The following SPATA13 variants were observed in gnomAD, a reference collection of about 807,000 sequenced individuals.
SPATA13 encodes spermatogenesis associated 13, also known as spermatogenesis-associated protein 13.
Under a neutral mutation model 104.0 loss-of-function variants are expected in SPATA13, and 50 were observed. That is an observed-to-expected ratio of 0.48 (90% CI 0.38 to 0.61). SPATA13 has a LOEUF of 0.61. Ranked by LOEUF, SPATA13 falls within the 20% of genes least tolerant of loss-of-function variation. The pLI, the probability that SPATA13 is intolerant of heterozygous loss-of-function variation, is 0.00. For synonymous variants in SPATA13, 606 were observed against 667.5 expected (o/e 0.91, Z 1.42); for missense variants, 1,524 against 1,690.6 (o/e 0.90, Z 1.73).
At chr13:24,249,988 G>C (rs1486517064) in intron 3 of SPATA13, 146 bp downstream of exon 3, 49 of 1,102,672 alleles carry the variant, frequency 4.4e-5, no homozygotes, top group Non-Finnish European at 5.8e-5. Context: ...CTTCCTGACT[G>C]TGTGAAAACA....
chr13:24,298,126 CA>C (rs1285845555), intron 11 of SPATA13, among the ~76,000 whole-genome samples: 1 of 152,168 alleles, frequency 6.6e-6, no homozygotes, highest in African/African-American at 2.4e-5. Context: ...TTGGATGCCA[CA>C]TGCAGGGTAT....
intron 3 of SPATA13, among the ~76,000 whole-genome samples, chr13:24,155,286 G>A (rs1882226251): frequency 6.6e-6 from 1 of 152,210 alleles, no homozygotes; most frequent in African/African-American, 2.4e-5. Flanking sequence ...CCCAGTGACA[G>A]AGATCTGTCA....
chr13:24,007,581 T>G (rs1320714278), intron 2 of SPATA13, among the ~76,000 whole-genome samples: 1 of 152,174 alleles, frequency 6.6e-6, no homozygotes. Context: ...CTCAGCCTCC[T>G]GAATAGCTGG....
At chr13:24,217,984 C>G (rs1871350275) in intron 1 of SPATA13, among the ~76,000 whole-genome samples, 1 of 152,220 alleles carries the variant, frequency 6.6e-6, no homozygotes, top group Admixed American at 6.5e-5. Flanking sequence ...ATAACAATGG[C>G]TGGAGAAAGA....
At chr13:24,042,415 T>C (rs9511009) in intron 3 of SPATA13, among the ~76,000 whole-genome samples, 73,015 of 149,168 alleles carry the variant, frequency 0.49, 19,345 homozygotes, top group East Asian at 0.65. Context: ...CTTTCTGAGA[T>C]GTTGCGTGTT....
At chr13:24,121,546 G>C (rs536491871) in intron 3 of SPATA13, among the ~76,000 whole-genome samples, 2 of 152,238 alleles carry the variant, frequency 1.3e-5, no homozygotes, top group East Asian at 3.9e-4. Flanking sequence ...TGAAAATGAT[G>C]AAGATTGAAT....
intron 3 of SPATA13, among the ~76,000 whole-genome samples, chr13:24,129,306 C>A (rs1686822261): frequency 6.6e-6 from 1 of 152,226 alleles, no homozygotes; most frequent in South Asian, 2.1e-4. Context: ...GAAAGGGAAT[C>A]CCAGATCTGA....
intron 3 of SPATA13, among the ~76,000 whole-genome samples, chr13:24,113,370 A>G (rs1388898276): frequency 6.6e-6 from 1 of 152,160 alleles, no homozygotes; most frequent in Non-Finnish European, 1.5e-5. Context: ...TGGGAGGCCA[A>G]GGCGGGTGGA....
intron 4 of SPATA13, among the ~76,000 whole-genome samples, chr13:24,264,949 G>A (rs980280510): frequency 2.0e-5 from 3 of 152,208 alleles, no homozygotes. Flanking sequence ...ATTGAGTAGG[G>A]GTGAATGATG....
intron 3 of SPATA13, among the ~76,000 whole-genome samples, chr13:24,021,716 C>CTTT (rs574935275): frequency 6.9e-6 from 1 of 145,170 alleles, no homozygotes; most frequent in Non-Finnish European, 1.5e-5. Context: ...GTTGGAAAAT[C>CTTT]TTTTTTTTTT....
intron 3 of SPATA13, among the ~76,000 whole-genome samples, chr13:24,133,794 G>A (rs1432754177): frequency 6.6e-6 from 1 of 152,152 alleles, no homozygotes; most frequent in Non-Finnish European, 1.5e-5. Context: ...AATAGCAAGA[G>A]AACACAGAGT....
chr13:24,118,224 T>A (rs181211390), intron 3 of SPATA13, among the ~76,000 whole-genome samples: 9 of 152,326 alleles, frequency 5.9e-5, no homozygotes, highest in Admixed American at 5.9e-4. Flanking sequence ...GACATTGCTC[T>A]GTGCCTCAGA....
chr13:24,056,907 CTT>C (rs201165555), intron 3 of SPATA13, among the ~76,000 whole-genome samples: 36 of 133,148 alleles, frequency 2.7e-4, no homozygotes, highest in African/African-American at 5.8e-4. Flanking sequence ...AATGGAACTT[CTT>C]TTTTTTTTTT....
chr13:24,258,385 G>T (rs867282086), intron 4 of SPATA13, among the ~76,000 whole-genome samples: 1 of 107,660 alleles, frequency 9.3e-6, no homozygotes, highest in South Asian at 2.9e-4. Context: ...AAAAAAAAAA[G>T]GCCAGGCACG....
intron 4 of SPATA13, among the ~76,000 whole-genome samples, chr13:24,260,604 G>T (rs945550782): frequency 1.3e-5 from 2 of 152,180 alleles, no homozygotes; most frequent in East Asian, 3.9e-4. Flanking sequence ...CAATGAAATA[G>T]AATACTTTGG....
intron 3 of SPATA13, among the ~76,000 whole-genome samples, chr13:24,098,583 T>G (rs1346008106): frequency 6.1e-5 from 7 of 115,366 alleles, no homozygotes; most frequent in African/African-American, 6.3e-5. Flanking sequence ...GGAGATAGAG[T>G]GAGACTGTCT....
chr13:24,062,965 G>A (rs1878826037), intron 3 of SPATA13, among the ~76,000 whole-genome samples: 1 of 152,198 alleles, frequency 6.6e-6, no homozygotes, highest in African/African-American at 2.4e-5. Context: ...CACAGCCAAA[G>A]TGCCCCTGGG....
chr13:24,265,007 T>C (rs1268769440), intron 4 of SPATA13, among the ~76,000 whole-genome samples: 1 of 152,230 alleles, frequency 6.6e-6, no homozygotes, highest in African/African-American at 2.4e-5. Flanking sequence ...TGGTTTTGTG[T>C]GTTCAGGTCC....
At chr13:24,080,186 A>G (rs1371284571) in intron 3 of SPATA13, among the ~76,000 whole-genome samples, 1 of 152,246 alleles carries the variant, frequency 6.6e-6, no homozygotes, top group African/African-American at 2.4e-5. Flanking sequence ...CTTCTTTGCC[A>G]TAAAAGGATT....
Sources: allele counts gnomAD v4.1 joint callset (sites outside exome capture counted in the v4.1 genomes callset), GRCh38; gene constraint gnomAD v4.1.1; transcripts MANE v1.5; gene names NCBI Gene and HGNC (gene_info 2026-07-23, HGNC 2026-07-21).